Variants in CORO2B observed in about 807,000 individuals in gnomAD.
CORO2B encodes coronin-2B.
Under a neutral mutation model 58.8 loss-of-function variants are expected in CORO2B, and 26 were observed. The ratio of observed to expected loss-of-function variants is 0.44; its 90% CI spans 0.32 to 0.61. CORO2B has a LOEUF of 0.61. Ranked by LOEUF, CORO2B falls within the 20% of genes least tolerant of loss-of-function variation. The pLI, the probability that CORO2B is intolerant of heterozygous loss-of-function variation, is 0.04. For synonymous variants in CORO2B, 242 were observed against 253.8 expected (o/e 0.95, Z 0.44); for missense variants, 460 against 645.1 (o/e 0.71, Z 3.11).
At chr15:68,657,116 G>T (rs1901833128) in intron 2 of CORO2B, among the ~76,000 whole-genome samples, 1 of 152,120 alleles carries the variant, frequency 6.6e-6, no homozygotes, top group African/African-American at 2.4e-5. Flanking sequence ...ATGAACTTTT[G>T]GGGGAGTCAG....
At chr15:68,718,918 C>A (rs1450593986) in intron 9 of CORO2B, 108 bp downstream of exon 9, 1 of 987,466 alleles carries the variant, frequency 1.0e-6, no homozygotes, top group Non-Finnish European at 1.6e-6. Context: ...GTGCTGTGAA[C>A]TGGGGTCTTC....
chr15:68,644,881 TC>T (rs781062171), intron 1 of CORO2B, among the ~76,000 whole-genome samples: 39 of 152,328 alleles, frequency 2.6e-4, no homozygotes, highest in Admixed American at 4.6e-4. Context: ...CTACAACCTT[TC>T]TAGAAAGTGG....
chr15:68,563,384 G>A, the CORO2B span, among the ~76,000 whole-genome samples: 6 of 152,008 alleles, frequency 3.9e-5, no homozygotes, highest in Non-Finnish European at 8.8e-5. Context: ...CAGCTACTCG[G>A]GAGGCTGAGA....
chr15:68,617,709 G>A (rs151084079), intron 1 of CORO2B, among the ~76,000 whole-genome samples: 1,529 of 152,250 alleles, frequency 0.01, 38 homozygotes, highest in African/African-American at 0.035. Context: ...GAAGATGAAA[G>A]TGGAGTCTTA....
chr15:68,590,228 C>A (rs1899666677), intron 1 of CORO2B, among the ~76,000 whole-genome samples: 1 of 152,012 alleles, frequency 6.6e-6, no homozygotes, highest in South Asian at 2.1e-4. Flanking sequence ...ACAAAGCTGC[C>A]CCTCTGCACC....
At chr15:68,685,518 G>T (rs1254389565) in intron 2 of CORO2B, among the ~76,000 whole-genome samples, 4 of 152,050 alleles carry the variant, frequency 2.6e-5, no homozygotes, top group African/African-American at 9.7e-5. Flanking sequence ...AGCTGATAAT[G>T]TTTTGAATTG....
At chr15:68,560,453 C>A in the CORO2B span, among the ~76,000 whole-genome samples, 143 of 152,132 alleles carry the variant, frequency 9.4e-4, no homozygotes, top group African/African-American at 3.3e-3. Context: ...TGCCACCATG[C>A]CCAGCTAATT....
At chr15:68,722,581 G>T (rs549876935) in intron 11 of CORO2B, among the ~76,000 whole-genome samples, 2 of 152,222 alleles carry the variant, frequency 1.3e-5, no homozygotes, top group South Asian at 4.2e-4. Context: ...CACTAAAGCG[G>T]TTTTTTTGAC....
At chr15:68,722,592 A>C (rs937106025) in intron 11 of CORO2B, among the ~76,000 whole-genome samples, 1 of 152,218 alleles carries the variant, frequency 6.6e-6, no homozygotes, top group African/African-American at 2.4e-5. Context: ...TTTTTTTGAC[A>C]AAAGTGGACC....
chr15:68,630,522 CAG>C lies in CORO2B; in HGVS notation c.16-14636_16-14635del, dbSNP rs576662888. 5.9e-5 allele frequency among the ~76,000 whole-genome samples: 9 copies of C among 151,992 alleles called. No individual in the cohort carries two copies. The South Asian group carries it at 1.9e-3, about 32-fold the overall frequency. ...ATAGCAAAGTTCTTTGCTGTGGGGG[CAG>C]AAAGACCTCATGGGGACAGGTCACA... On this transcript the variant is annotated intron_variant, in intron 1 of 11. Transcript: ENST00000261861.
At chr15:68,656,618 A>C (rs1490808770) in intron 2 of CORO2B, among the ~76,000 whole-genome samples, 1 of 152,042 alleles carries the variant, frequency 6.6e-6, no homozygotes, top group Non-Finnish European at 1.5e-5. Flanking sequence ...AAGCACCCAG[A>C]CAACAGCAAC....
intron 2 of CORO2B, among the ~76,000 whole-genome samples, chr15:68,668,979 GA>G (rs1168330279): frequency 6.6e-6 from 1 of 152,002 alleles, no homozygotes; most frequent in East Asian, 1.9e-4. Context: ...TCGGGAGGCT[GA>G]AGCAGCAGAA....
rs192375637 is a variant in CORO2B at position 68,623,089 on chromosome 15, T to C, written c.16-22071T>C. ...CTGAGGCAGGAGAATCACTTGAACC[T>C]GGGAGGCAGAGGTTGCAGTGAGCCG... On this transcript the variant is annotated intron_variant, in intron 1 of 11. Transcript: ENST00000261861. Among the ~76,000 whole-genome samples, 20 of 152,202 alleles carry C rather than the reference T, an allele frequency of 1.3e-4. No individual in the cohort carries two copies. In the East Asian group the frequency reaches 3.5e-3, roughly 27 times the overall value.
intron 1 of CORO2B, among the ~76,000 whole-genome samples, chr15:68,584,250 T>C (rs897838940): frequency 3.9e-5 from 6 of 152,232 alleles, no homozygotes; most frequent in African/African-American, 1.4e-4. Context: ...TGTCTCTCCC[T>C]CTAGGCAATG....
intron 1 of CORO2B, chr15:68,616,698 T>C (rs1900368990): frequency 2.3e-6 from 2 of 872,720 alleles, no homozygotes; most frequent in Non-Finnish European, 2.8e-6. Context: ...GGGCGAGGGC[T>C]AGCGTTATCA....
chr15:68,641,595 T>C (rs186643275), intron 1 of CORO2B: 4 of 985,370 alleles, frequency 4.1e-6, no homozygotes. Context: ...CTGGGGTAAG[T>C]GTGGACTTTG....
intron 1 of CORO2B, among the ~76,000 whole-genome samples, chr15:68,584,483 G>A (rs931906668): frequency 1.3e-5 from 2 of 152,122 alleles, no homozygotes; most frequent in African/African-American, 4.8e-5. Context: ...GAGTGTGGGC[G>A]CTGGCTGGGC....
intron 2 of CORO2B, among the ~76,000 whole-genome samples, chr15:68,686,446 C>G (rs747709982): frequency 2.0e-5 from 3 of 152,158 alleles, no homozygotes; most frequent in African/African-American, 7.2e-5. Context: ...CAGCCAAGTG[C>G]AGATGATAGC....
At chr15:68,715,781 G>A (rs1893018519) in intron 8 of CORO2B, among the ~76,000 whole-genome samples, 2 of 152,208 alleles carry the variant, frequency 1.3e-5, no homozygotes, top group Admixed American at 6.5e-5. Flanking sequence ...TAGGCTCTCA[G>A]GCAGAAACCC....
Sources: gnomAD v4.1 joint callset for allele counts (sites outside exome capture counted in the v4.1 genomes callset) on GRCh38, gnomAD v4.1.1 for gene constraint, MANE v1.5 for transcripts, NCBI Gene and HGNC (gene_info 2026-07-23, HGNC 2026-07-21) for gene names.